Variants in PYROXD2 observed in about 807,000 individuals in gnomAD.
The protein encoded by PYROXD2 is pyridine nucleotide-disulphide oxidoreductase domain 2, also known as pyridine nucleotide-disulfide oxidoreductase domain-containing protein 2.
A neutral mutation model predicts 71.1 loss-of-function variants in PYROXD2; 69 were observed. That is an observed-to-expected ratio of 0.97 (90% CI 0.80 to 1.19). The LOEUF (loss-of-function observed/expected upper bound fraction) is 1.19. Ranked by LOEUF, PYROXD2 falls within the 50% of genes most tolerant of loss-of-function variation. The pLI is 0.00. For synonymous variants in PYROXD2, 287 were observed against 302.7 expected, an observed-to-expected ratio of 0.95 and a Z score of 0.54; for missense variants, 745 against 748.9, an observed-to-expected ratio of 0.99 and a Z score of 0.06.
intron 2 of PYROXD2, among the ~76,000 whole-genome samples, chr10:98,408,998 G>A (rs1481654982): frequency 6.6e-6 from 1 of 152,184 alleles, no homozygotes; most frequent in Non-Finnish European, 1.5e-5. Context: ...CAGACAGCGT[G>A]AAACCAGCAT....
chr10:98,408,070 G>T (rs533926394), intron 2 of PYROXD2, 73 bp from the exon 3 acceptor site: 3 of 1,412,996 alleles, frequency 2.1e-6, no homozygotes, highest in East Asian at 2.5e-5. Flanking sequence ...GGGCTGACCC[G>T]CAGACTAAGG....
At chr10:98,389,186 C>T (rs1842863748) in intron 12 of PYROXD2, among the ~76,000 whole-genome samples, 4 of 152,166 alleles carry the variant, frequency 2.6e-5, no homozygotes, top group Admixed American at 6.5e-5. Context: ...ATCTGCTCCA[C>T]CCCCACCGCC....
At chr10:98,396,375 G>A (rs765923813) in intron 6 of PYROXD2, among the ~76,000 whole-genome samples, 12 of 152,186 alleles carry the variant, frequency 7.9e-5, no homozygotes, top group Non-Finnish European at 1.3e-4. Context: ...TGCCTCCACT[G>A]AGCTGCTGCA....
chr10:98,411,280 A>T, intron 1 of PYROXD2: 1 of 379,922 alleles, frequency 2.6e-6, no homozygotes, highest in African/African-American at 2.1e-5. Context: ...GGCGCAAGTG[A>T]TGGTGTCTGA....
At chr10:98,393,212 C>G (rs1303043609) in intron 8 of PYROXD2, 129 bp from the exon 9 acceptor site, 5 of 713,592 alleles carry the variant, frequency 7.0e-6, no homozygotes, top group Admixed American at 2.8e-5. Context: ...CTCCCAGCAG[C>G]CTTCAATGAG....
chr10:98,406,923 A>T (rs1255046764), intron 4 of PYROXD2, among the ~76,000 whole-genome samples: 4 of 151,226 alleles, frequency 2.6e-5, no homozygotes, highest in Non-Finnish European at 4.4e-5. Flanking sequence ...GATGGCACCA[A>T]CGTGAGTGGC....
chr10:98,414,165 C>T (rs1000131177), intron 1 of PYROXD2: 1 of 151,986 alleles, frequency 6.6e-6, no homozygotes, highest in African/African-American at 2.4e-5. Context: ...GAGTATCTAC[C>T]AGCTCGCAAC....
At chr10:98,414,656 C>T (rs1843922545) in intron 1 of PYROXD2, 1 of 187,220 alleles carries the variant, frequency 5.3e-6, no homozygotes, top group Non-Finnish European at 1.1e-5. Flanking sequence ...CTTTCCAACC[C>T]TTACAAACCA....
Position 98,391,032 on chromosome 10 carries a change from C to T in PYROXD2, c.1113G>A (p.Arg371=). The T allele has an allele frequency of 6.2e-7, 1 of 1,613,258 alleles. No homozygotes were observed. Among genetic ancestry groups the T allele is most frequent in the Non-Finnish European group, 8.5e-7 (1 of 1,179,368 alleles). The change falls in exon 11 of 16, where the codon CGG becomes CGA. Residue 371 remains arginine, a synonymous_variant. Coordinates refer to ENST00000370575, the MANE Select transcript of PYROXD2 (RefSeq NM_032709.3). ...TACCATTGATCTTGGTGACAGGCGA[C>T]CGGGTGTCCAGCTGAGAGATTCTCT... The part of the protein sequence containing the change: ...FLERISQLDT[R]SPVTKINVAV...
At chr10:98,387,848 G>C (rs1311346695) in intron 13 of PYROXD2, 1 of 181,554 alleles carries the variant, frequency 5.5e-6, no homozygotes, top group Admixed American at 5.5e-5. Flanking sequence ...TGGTCAGGCT[G>C]GTCTTGAACT....
intron 1 of PYROXD2, chr10:98,414,230 C>T (rs960231757): frequency 5.9e-5 from 9 of 152,158 alleles, no homozygotes; most frequent in Admixed American, 3.9e-4. Flanking sequence ...TGTTGAGTGC[C>T]GTCTGCTTTC....
chr10:98,414,136 C>T (rs1441385395), intron 1 of PYROXD2: 3 of 151,968 alleles, frequency 2.0e-5, no homozygotes, highest in Admixed American at 1.3e-4. Flanking sequence ...ACACATTTTT[C>T]CCTGGAGAGG....
chr10:98,413,662 C>T (rs752338111), intron 1 of PYROXD2, among the ~76,000 whole-genome samples: 7 of 151,910 alleles, frequency 4.6e-5, no homozygotes, highest in Non-Finnish European at 7.4e-5. Context: ...TGCAGTGAGC[C>T]GAGATTGCGC....
At position 98,387,925 on chromosome 10, in the gene PYROXD2, C is replaced by G. The variant is rs144040287; in HGVS notation, c.1447+429G>C. ...CTGGAATTACAGGCATGAGCCCCCACGCCTGGCCTGATCAAGCTGTTTCTC... is the reference window on the plus strand; with the variant it reads ...CTGGAATTACAGGCATGAGCCCCCAGGCCTGGCCTGATCAAGCTGTTTCTC... On this transcript the variant is annotated intron_variant, in intron 13 of 15. Coordinates refer to ENST00000370575, the MANE Select transcript of PYROXD2 (RefSeq NM_032709.3). 563 of 229,926 alleles carry G rather than the reference C, an allele frequency of 2.4e-3. 7 individuals are homozygous for G. The highest frequency in any genetic ancestry group is 0.012 in the African/African-American group (514 of 42,370). The allele number at this position is 229,926 out of a possible 1,614,324, so 14.2% of individuals were successfully genotyped here.
Position 98,383,853 on chromosome 10 carries a change from C to G in PYROXD2, c.1691G>C (p.Gly564Ala), listed in dbSNP as rs1842664666. 3 of 1,613,938 alleles carry G rather than the reference C, an allele frequency of 1.9e-6. No homozygotes were observed. In the South Asian group the frequency reaches 3.3e-5, roughly 18 times the overall value. ...ATGTGCTGCATTTCGCCCAGCAGCT[C>G]CCATCACACCTCCTCCTGGAAGGGA... Reference protein sequence around the residue: ...SGAHPGGGVMGAAGRNAAHVA... With the variant: ...SGAHPGGGVMAAAGRNAAHVA... The change falls in exon 16 of 16, where the codon GGA (glycine) becomes GCA (alanine). Residue 564 changes from glycine (G) to alanine (A), a missense_variant. Physicochemically the swap from Gly to Ala is moderately conservative, Grantham distance 60. Coordinates refer to ENST00000370575, the MANE Select transcript of PYROXD2 (RefSeq NM_032709.3).
At chr10:98,386,364 A>AGGAAGGAAGGAAGGAAGGAG (rs1842754503) in intron 14 of PYROXD2, among the ~76,000 whole-genome samples, 1 of 151,466 alleles carries the variant, frequency 6.6e-6, no homozygotes, top group Admixed American at 6.6e-5. Flanking sequence ...GAAGGAAGGA[A>AGGAAGGAAGGAAGGAAGGAG]GGGCAAGCTG....
intron 13 of PYROXD2, 126 bp from the exon 14 acceptor site, chr10:98,387,433 T>G: frequency 1.5e-6 from 1 of 645,640 alleles, no homozygotes. Context: ...TTTTATCATA[T>G]GCAAATTATA....
chr10:98,407,707 C>T (rs1564810230), intron 3 of PYROXD2, 52 bp from the exon 4 acceptor site: 2 of 1,591,594 alleles, frequency 1.3e-6, no homozygotes, highest in East Asian at 2.2e-5. Flanking sequence ...GGGATGAGGA[C>T]CGTCACCAGG....
In PYROXD2 at chr10:98,395,262, A is replaced by C. The variant is rs78666598; in HGVS notation, c.719T>G (p.Leu240Ter). The C allele has an allele frequency of 1.2e-6, 2 of 1,613,932 alleles. No individual in the cohort carries two copies. Among genetic ancestry groups the C allele is most frequent in the East Asian group, 4.5e-5 (2 of 44,882 alleles). ...VLDQWFESEP[L>*]KATLATDAVI... is the part of the protein sequence containing the mutation. Reference sequence around the variant, plus strand: ...TGCATCTGTGGCTAGAGTGGCTTTTAAAGGCTCAGACTCGAACCACTGATC... The same window carrying C: ...TGCATCTGTGGCTAGAGTGGCTTTTCAAGGCTCAGACTCGAACCACTGATC... Residue 240 changes from leucine to a stop codon, truncating the protein, a stop_gained, in exon 8 of 16, where the codon TTA (leucine) becomes TGA (stop). Coordinates refer to ENST00000370575, the MANE Select transcript of PYROXD2 (RefSeq NM_032709.3). LOFTEE classifies it high-confidence loss of function.
Sources: allele counts gnomAD v4.1 joint callset (sites outside exome capture counted in the v4.1 genomes callset), GRCh38; gene constraint gnomAD v4.1.1; transcripts MANE v1.5; gene names NCBI Gene and HGNC (gene_info 2026-07-23, HGNC 2026-07-21).